The following COL6A2 variants were observed in gnomAD, a reference collection of about 807,000 sequenced individuals.
COL6A2 encodes collagen type VI alpha 2 chain.
In COL6A2, 90 loss-of-function variants were observed where a neutral mutation model predicts 124.9. That is an observed-to-expected ratio of 0.72 (90% CI 0.61 to 0.86). COL6A2 has a LOEUF of 0.86. COL6A2 is among the 40% of genes least tolerant of loss of function. The pLI, the probability that COL6A2 is intolerant of heterozygous loss-of-function variation, is 0.00. For synonymous variants in COL6A2, 793 were observed against 618.2 expected (o/e 1.28, Z -4.19); for missense variants, 1,607 against 1,502.5 (o/e 1.07, Z -1.15).
Position 46,120,495 on chromosome 21 carries a change from C to A in COL6A2, c.1333-20C>A. ...GAGGCCTCAGCTGAGACCCGTGGGG[C>A]CTCCCTTCCCTTCCCACAGGGGGAC... On this transcript the variant is annotated intron_variant, in intron 15 of 27. Coordinates refer to ENST00000300527, the MANE Select transcript of COL6A2 (RefSeq NM_001849.4). The A allele has an allele frequency of 6.6e-7, 1 of 1,523,530 alleles. No homozygotes were observed. Among genetic ancestry groups the A allele is most frequent in the Non-Finnish European group, 8.8e-7 (1 of 1,136,062 alleles). The allele number at this position is 1,523,530 out of a possible 1,614,324, so 94.4% of individuals were successfully genotyped here. A position where few individuals can be genotyped will look rare whatever the true frequency, so the allele number is the denominator to read the frequency against.
rs989554566 is a variant in COL6A2, at chr21:46,112,590, C to T, written c.714+13C>T. 2.4e-5 allele frequency: 39 copies of T among 1,611,088 alleles called. 1 individual carries two copies. In the Middle Eastern group the frequency reaches 5.0e-4, roughly 20 times the overall value. ...CATCAAGGTCATGGTGAGCCGCGGG[C>T]GGGAGCACCGTCCACGCGCCAGGGG... is the stretch of plus-strand genomic sequence containing the variant. On this transcript the variant is annotated intron_variant, in intron 3 of 27. Transcript: ENST00000300527.
At position 46,132,550 on chromosome 21, in the gene COL6A2, T is replaced by TAGCGCCGCCGCCCG. The variant is rs1555877393; in HGVS notation, c.3059_*12dup. The TAGCGCCGCCGCCCG allele has an allele frequency of 7.5e-6, 12 of 1,596,504 alleles. No individual in the cohort carries two copies. Among genetic ancestry groups the TAGCGCCGCCGCCCG allele is most frequent in the Middle Eastern group, 1.6e-4 (1 of 6,074 alleles). Reference sequence around the variant, plus strand: ...CGACCGCTTCATCCGCTGGATCTGCTAGCGCCGCCGCCCGGGCCCCGCAGT... The same window carrying TAGCGCCGCCGCCCG: ...CGACCGCTTCATCCGCTGGATCTGCTAGCGCCGCCGCCCGAGCGCCGCCGCCCGGGCCCCGCAGT... On this transcript the variant is annotated frameshift_variant and stop_retained_variant, in exon 28 of 28. Transcript: ENST00000300527. LOFTEE classifies it high-confidence loss of function.
rs374687805 is a variant in COL6A2, at chr21:46,125,359, G to A, written c.1816+48G>A. ...GTCGGGGCCCATGCACCGGGTGGAG[G>A]GCGGGAGTGCAGCAGGGCTGGGTCA... On this transcript the variant is annotated intron_variant, in intron 24 of 27. Coordinates refer to ENST00000300527, the MANE Select transcript of COL6A2 (RefSeq NM_001849.4). 7.6e-5 allele frequency: 122 copies of A among 1,604,996 alleles called. No homozygotes were observed. The African/African-American group carries it at 1.5e-3, about 19-fold the overall frequency.
At chr21:46,126,606 C>G (rs747295545) in intron 27 of COL6A2, 65 bp downstream of exon 27, 143 of 1,598,498 alleles carry the variant, frequency 8.9e-5, no homozygotes, top group Non-Finnish European at 1.2e-4. Context: ...CCTTCCTCCT[C>G]GAGGGCCGGG....
intron 26 of COL6A2, 23 bp downstream of exon 26, chr21:46,126,260 G>C: frequency 6.3e-7 from 1 of 1,596,356 alleles, no homozygotes; most frequent in Admixed American, 1.7e-5. Flanking sequence ...GCGCGGGGCA[G>C]TCGGCCGAGG....
intron 16 of COL6A2, 44 bp from the exon 17 acceptor site, chr21:46,121,017 T>A (rs1205630849): frequency 6.3e-7 from 1 of 1,585,082 alleles, no homozygotes; most frequent in Admixed American, 1.7e-5. Flanking sequence ...TCCAGGGTGC[T>A]GCTGTCAGTC....
At chr21:46,104,593 A>G (rs1045915804) in intron 1 of COL6A2, among the ~76,000 whole-genome samples, 3 of 152,184 alleles carry the variant, frequency 2.0e-5, no homozygotes, top group Non-Finnish European at 4.4e-5. Flanking sequence ...AGAAGAAGAG[A>G]GAGCAAAGGG....
intron 27 of COL6A2, among the ~76,000 whole-genome samples, chr21:46,127,869 G>T (rs150261693): frequency 1.8e-4 from 28 of 152,292 alleles, no homozygotes; most frequent in East Asian, 9.6e-4. Context: ...TTGTAGTTGG[G>T]AGTTAGTTAG....
At chr21:46,112,852 G>A (rs1210369438) in intron 4 of COL6A2, 28 bp downstream of exon 4, 1 of 1,613,278 alleles carries the variant, frequency 6.2e-7, no homozygotes, top group Non-Finnish European at 8.5e-7. Context: ...TCCTGCCAGT[G>A]CTGGCCGGCA....
At chr21:46,121,268 C>T (rs1342914425) in intron 17 of COL6A2, 145 bp downstream of exon 17, 2 of 837,896 alleles carry the variant, frequency 2.4e-6, no homozygotes, top group East Asian at 2.6e-5. Context: ...ACCTGCTCCC[C>T]TAGACCCCGA....
rs1188602280 is a variant in COL6A2 at position 46,122,858 on chromosome 21, T to C, written c.1609-17T>C. On this transcript the variant is annotated splice_polypyrimidine_tract_variant and intron_variant, in intron 20 of 27. Coordinates refer to ENST00000300527, the MANE Select transcript of COL6A2 (RefSeq NM_001849.4). Reference sequence around the variant, plus strand: ...ACAGCTCCTCTGTCCCAGGCTAACATGTGTTCCCTGTCACAGGGAGGCCGA... The same window carrying C: ...ACAGCTCCTCTGTCCCAGGCTAACACGTGTTCCCTGTCACAGGGAGGCCGA... 3.7e-6 allele frequency: 6 copies of C among 1,611,654 alleles called. No homozygotes were observed. Among genetic ancestry groups the C allele is most frequent in the Non-Finnish European group, 5.1e-6 (6 of 1,178,534 alleles).
At chr21:46,105,267 T>A in intron 1 of COL6A2, among the ~76,000 whole-genome samples, 1 of 152,194 alleles carries the variant, frequency 6.6e-6, no homozygotes, top group South Asian at 2.1e-4. Flanking sequence ...ACACCTGTGG[T>A]CCCAACTACT....
Position 46,132,846 on chromosome 21 carries a change from C to G in COL6A2, c.*294C>G, listed in dbSNP as rs1468132280. 2.0e-6 allele frequency: 1 copy of G among 498,396 alleles called. No homozygotes were observed. 30.9% of individuals were successfully genotyped at this position (498,396 alleles called of 1,614,324 possible). Reference sequence around the variant, plus strand: ...CCCTGACCCAATAAAGGCTTTGAACCCATTGCGTGCCTGCTTGCGAGCTTC... The same window carrying G: ...CCCTGACCCAATAAAGGCTTTGAACGCATTGCGTGCCTGCTTGCGAGCTTC... On this transcript the variant is annotated 3_prime_UTR_variant, in exon 28 of 28. Transcript: ENST00000300527.
At position 46,132,797 on chromosome 21, in the gene COL6A2, C is replaced by T. The variant is rs1047918419; in HGVS notation, c.*245C>T. 91 of 580,474 alleles carry T rather than the reference C, an allele frequency of 1.6e-4. 1 individual carries two copies. The South Asian group carries it at 1.7e-3, about 11-fold the overall frequency. The allele number at this position is 580,474 out of a possible 1,614,324, so 36.0% of individuals were successfully genotyped here. On this transcript the variant is annotated 3_prime_UTR_variant, in exon 28 of 28. Coordinates refer to ENST00000300527, the MANE Select transcript of COL6A2 (RefSeq NM_001849.4). The stretch of plus-strand genomic sequence containing the variant: ...AGCCATCCCAAGGCTCCTGACCTAC[C>T]TGGCCCCTGAGCTCTGGAGCAAGCC...
chr21:46,129,785 C>G, intron 27 of COL6A2: 1 of 1,281,796 alleles, frequency 7.8e-7, no homozygotes, highest in Non-Finnish European at 9.9e-7. Flanking sequence ...AATGACCTCG[C>G]AAGACCCTTA....
At chr21:46,118,042 A>T in intron 12 of COL6A2, 106 bp downstream of exon 12, 1 of 1,099,646 alleles carries the variant, frequency 9.1e-7, no homozygotes, top group Non-Finnish European at 1.3e-6. Flanking sequence ...CTTTCTGGAA[A>T]CACTGGTCAG....
rs1326200046 is a variant in COL6A2 at position 46,124,308 on chromosome 21, AATGGGTGG to A, written c.1672-334_1672-327del. On this transcript the variant is annotated intron_variant, in intron 21 of 27. Coordinates refer to ENST00000300527, the MANE Select transcript of COL6A2 (RefSeq NM_001849.4). ...GGATGGGTGATTGGGCGAATGGGCG[AATGGGTGG>A]ATGGGTGGGCGTGGAGTTGGTGGGT... Among the ~76,000 whole-genome samples the A allele has an allele frequency of 3.0e-4, 45 of 149,204 alleles. 1 individual carries two copies. The highest frequency in any genetic ancestry group is 7.4e-4 in the African/African-American group (29 of 39,314).
intron 27 of COL6A2, chr21:46,129,309 G>C: frequency 6.2e-7 from 1 of 1,612,916 alleles, no homozygotes; most frequent in Non-Finnish European, 8.5e-7. Flanking sequence ...AAACGCCACG[G>C]AGCTCACGCA....
rs73382466 is a variant in COL6A2, at chr21:46,124,855, A to G, written c.1735-30A>G. ...GACTCAGCCACCCAGCCTTGGCCCCAGAGTCTCAGCCTCATCCTTCCTTCC... is the reference window on the plus strand; with the variant it reads ...GACTCAGCCACCCAGCCTTGGCCCCGGAGTCTCAGCCTCATCCTTCCTTCC... On this transcript the variant is annotated intron_variant, in intron 22 of 27. Coordinates refer to ENST00000300527, the MANE Select transcript of COL6A2 (RefSeq NM_001849.4). 143,707 of 1,612,104 alleles carry G rather than the reference A, an allele frequency of 0.089. 6,722 individuals carry two copies. The highest frequency in any genetic ancestry group is 0.1 in the African/African-American group (7,741 of 74,974).
Sources: gnomAD v4.1 joint callset for allele counts (sites outside exome capture counted in the v4.1 genomes callset) on GRCh38, gnomAD v4.1.1 for gene constraint, MANE v1.5 for transcripts, NCBI Gene and HGNC (gene_info 2026-07-23, HGNC 2026-07-21) for gene names.